The following STON1 variants were observed in gnomAD, a reference collection of about 807,000 sequenced individuals.
STON1 encodes stonin-1.
STON1 carries 79 observed loss-of-function variants against 60.9 expected under a neutral mutation model. The ratio of observed to expected loss-of-function variants is 1.30; its 90% CI spans 1.08 to 1.56. The LOEUF (loss-of-function observed/expected upper bound fraction) is 1.56, where lower values mean the gene tolerates loss of function less well. Ranked by LOEUF, STON1 falls within the 40% of genes most tolerant of loss-of-function variation. STON1 has a pLI of 0.00. For synonymous variants in STON1, 363 were observed against 306.9 expected (o/e 1.18, Z -1.91); for missense variants, 1,166 against 858.9 (o/e 1.36, Z -4.47).
At chr2:48,541,048 T>A (rs1483944302) in intron 1 of STON1, among the ~76,000 whole-genome samples, 1 of 152,216 alleles carries the variant, frequency 6.6e-6, no homozygotes, top group Non-Finnish European at 1.5e-5. Flanking sequence ...AATTAACTCC[T>A]AATTTAAAAG....
chr2:48,556,978 C>T (rs1386991672), intron 1 of STON1, among the ~76,000 whole-genome samples: 7 of 60,734 alleles, frequency 1.2e-4, no homozygotes, highest in Non-Finnish European at 6.9e-5. Flanking sequence ...GGGGGCTGAC[C>T]CCCCCACCTC....
chr2:48,597,323 A>T lies in STON1; in HGVS notation c.*2021A>T, dbSNP rs754266813. The T allele has an allele frequency of 2.6e-5, 4 of 152,208 alleles. No homozygotes were observed. The highest frequency in any genetic ancestry group is 2.0e-4 in the Admixed American group (3 of 15,264). The allele number at this position is 152,208 out of a possible 1,614,324, so 9.4% of individuals were successfully genotyped here. On this transcript the variant is annotated 3_prime_UTR_variant, in exon 4 of 4. Coordinates refer to ENST00000404752, the MANE Select transcript of STON1 (RefSeq NM_006873.4). ...ACTCTACAGTGACTTCAGTCTGCTCAGAACGAATGTGGAGGCCGGCCGAAA... is the reference window on the plus strand; with the variant it reads ...ACTCTACAGTGACTTCAGTCTGCTCTGAACGAATGTGGAGGCCGGCCGAAA...
Position 48,564,480 on chromosome 2 carries a change from T to TTCTTTC in STON1, c.-47-16106_-47-16105insCTTTCT, listed in dbSNP as rs1558604783. Among the ~76,000 whole-genome samples the TTCTTTC allele has an allele frequency of 1.5e-4, 5 of 32,490 alleles. 2 individuals carry two copies. The highest frequency in any genetic ancestry group is 3.2e-4 in the Non-Finnish European group (5 of 15,496). 21.3% of individuals were successfully genotyped at this position (32,490 alleles called of 152,430 possible). A position where few individuals can be genotyped will look rare whatever the true frequency, so the allele number is the denominator to read the frequency against. ...CTTCTTCTTCTTCTTCTTCTTCTTC[T>TTCTTTC]TTCTTCTTCTTCTTCTTCTTCTTCT... On this transcript the variant is annotated intron_variant, in intron 1 of 3. Transcript: ENST00000404752.
chr2:48,589,391 G>A (rs181188946), intron 2 of STON1, among the ~76,000 whole-genome samples: 3 of 152,250 alleles, frequency 2.0e-5, no homozygotes, highest in African/African-American at 7.2e-5. Context: ...GCGACAACAC[G>A]ATTTTCCTCT....
intron 2 of STON1, among the ~76,000 whole-genome samples, chr2:48,584,561 C>T (rs937350739): frequency 6.6e-6 from 1 of 152,124 alleles, no homozygotes; most frequent in African/African-American, 2.4e-5. Context: ...AGCCACCATG[C>T]CTGGCCAAAC....
chr2:48,564,492 C>CTTTCTTCTTCT (rs1558604957), intron 1 of STON1, among the ~76,000 whole-genome samples: 8 of 24,622 alleles, frequency 3.2e-4, no homozygotes, highest in African/African-American at 1.5e-3. Flanking sequence ...TCTTCTTCTT[C>CTTTCTTCTTCT]TTCTTCTTCT....
intron 1 of STON1, among the ~76,000 whole-genome samples, chr2:48,540,008 T>G (rs1033483315): frequency 7.9e-5 from 12 of 152,126 alleles, no homozygotes; most frequent in Admixed American, 7.2e-4. Context: ...CCTCACTGCA[T>G]GTATGGTCAT....
rs1558604873 is a variant in STON1 at position 48,564,486 on chromosome 2, C to A, written c.-47-16101C>A. On this transcript the variant is annotated intron_variant, in intron 1 of 3. Coordinates refer to ENST00000404752, the MANE Select transcript of STON1 (RefSeq NM_006873.4). ...CTTCTTCTTCTTCTTCTTCTTTCTT[C>A]TTCTTCTTCTTCTTCTTCTTCTTCT... 1.4e-3 allele frequency among the ~76,000 whole-genome samples: 35 copies of A among 24,672 alleles called. 1 individual carries two copies. Among genetic ancestry groups the A allele is most frequent in the African/African-American group, 5.2e-3 (32 of 6,178 alleles). The allele number at this position is 24,672 out of a possible 152,430, so 16.2% of individuals were successfully genotyped here.
intron 1 of STON1, among the ~76,000 whole-genome samples, chr2:48,564,450 TTCTTCTTCTTCTTCTTCTTCTTC>T (rs1558604217): frequency 3.7e-5 from 2 of 53,548 alleles, no homozygotes; most frequent in African/African-American, 1.4e-4. Context: ...CTTCTTCTTC[TTCTTCTTCTTCTTCTTCTTCTTC>T]TTCTTCTTTC....
At chr2:48,593,488 G>A (rs978175520) in intron 3 of STON1, among the ~76,000 whole-genome samples, 2 of 152,224 alleles carry the variant, frequency 1.3e-5, no homozygotes, top group African/African-American at 4.8e-5. Flanking sequence ...AGGTGGTTCA[G>A]TTTAGAATGT....
intron 1 of STON1, among the ~76,000 whole-genome samples, chr2:48,554,718 TTTTTTTTA>T (rs1182762646): frequency 2.8e-5 from 2 of 72,594 alleles, no homozygotes; most frequent in South Asian, 5.9e-4. Context: ...TTTTTTTTTT[TTTTTTTTA>T]TTTATTTATT....
rs3749142 is a variant in STON1, at chr2:48,581,455, C to A, written c.822C>A (p.Ser274=). The part of the protein sequence containing the change: ...PHTLFRSQPK[S]GWSFMLRIPE... ...CACTCTTCAGGAGTCAGCCAAAATC[C>A]GGATGGTCTTTCATGCTGAGAATTC... The change falls in exon 2 of 4, where the codon TCC becomes TCA. Residue 274 remains serine (S), a synonymous_variant. Coordinates refer to ENST00000404752, the MANE Select transcript of STON1 (RefSeq NM_006873.4). 1.9e-6 allele frequency: 3 copies of A among 1,613,866 alleles called. No individual in the cohort carries two copies. Among genetic ancestry groups the A allele is most frequent in the African/African-American group, 2.7e-5 (2 of 74,854 alleles).
intron 1 of STON1, among the ~76,000 whole-genome samples, chr2:48,536,622 TATTACTTTTTTATTTTTTCAGA>T (rs1671444244): frequency 6.6e-6 from 1 of 152,008 alleles, no homozygotes; most frequent in South Asian, 2.1e-4. Flanking sequence ...TGTTAGCTAT[TATTACTTTTTTATTTTTTCAGA>T]ATTTCTGGGC....
chr2:48,564,777 G>C (rs1444044559), intron 1 of STON1, among the ~76,000 whole-genome samples: 1 of 128,988 alleles, frequency 7.8e-6, no homozygotes, highest in East Asian at 2.2e-4. Context: ...CTGTCACCTA[G>C]GCTGGAGTGC....
At chr2:48,576,855 C>T (rs1418760049) in intron 1 of STON1, among the ~76,000 whole-genome samples, 1 of 150,698 alleles carries the variant, frequency 6.6e-6, no homozygotes, top group Non-Finnish European at 1.5e-5. Flanking sequence ...GAGATTGAGA[C>T]CATCCTGGCT....
At chr2:48,560,907 T>A (rs547537679) in intron 1 of STON1, among the ~76,000 whole-genome samples, 24 of 152,222 alleles carry the variant, frequency 1.6e-4, no homozygotes, top group Non-Finnish European at 2.5e-4. Flanking sequence ...AGCCCCAAAG[T>A]CTCCCCTTGT....
In STON1 at chr2:48,581,987, C is replaced by G; in HGVS notation, c.1354C>G (p.Leu452Val). Reference sequence around the variant, plus strand: ...TTGCCTCTGCTTTGTGAATGGGAACCTGGAATGCTTTTTAACCTTGAATGA... The same window carrying G: ...TTGCCTCTGCTTTGTGAATGGGAACGTGGAATGCTTTTTAACCTTGAATGA... ...IYCLCFVNGN[L>V]ECFLTLNDLE... Residue 452 changes from leucine (L) to valine (V), a missense_variant, in exon 2 of 4, where the codon CTG becomes GTG. Leu to Val is a conservative substitution (Grantham distance 32). Transcript: ENST00000404752. 6.2e-7 allele frequency: 1 copy of G among 1,614,154 alleles called. No homozygotes were observed. Among genetic ancestry groups the G allele is most frequent in the Non-Finnish European group, 8.5e-7 (1 of 1,180,038 alleles).
At chr2:48,559,924 G>T (rs1028129559) in intron 1 of STON1, among the ~76,000 whole-genome samples, 4 of 152,160 alleles carry the variant, frequency 2.6e-5, no homozygotes, top group Non-Finnish European at 5.9e-5. Context: ...CTCTGTAGAT[G>T]GTGGTCCTTC....
intron 1 of STON1, among the ~76,000 whole-genome samples, chr2:48,537,964 T>C (rs1044754173): frequency 6.6e-6 from 1 of 151,502 alleles, no homozygotes; most frequent in African/African-American, 2.4e-5. Flanking sequence ...TTCTTTATCT[T>C]TTTTTTTTCG....
Sources: gnomAD v4.1 joint callset for allele counts (sites outside exome capture counted in the v4.1 genomes callset) on GRCh38, gnomAD v4.1.1 for gene constraint, MANE v1.5 for transcripts, NCBI Gene and HGNC (gene_info 2026-07-23, HGNC 2026-07-21) for gene names.